STT3B: variants seen among roughly 807,000 people sequenced by gnomAD.
STT3B encodes dolichyl-diphosphooligosaccharide--protein glycosyltransferase subunit STT3B.
In STT3B, 29 loss-of-function variants were observed where a neutral mutation model predicts 96.8. The observed-to-expected ratio is 0.30, with a 90% CI of 0.22 to 0.41. The LOEUF (loss-of-function observed/expected upper bound fraction) is 0.41. Among genes scored for constraint, STT3B ranks in the 10% least tolerant of loss-of-function variants. STT3B has a pLI of 1.00. For synonymous variants in STT3B, 367 were observed against 360.0 expected (o/e 1.02, Z -0.22); for missense variants, 640 against 1,022.3 (o/e 0.63, Z 5.10).
intron 3 of STT3B, among the ~76,000 whole-genome samples, chr3:31,594,930 A>C (rs1342804961): frequency 6.6e-6 from 1 of 152,192 alleles, no homozygotes; most frequent in African/African-American, 2.4e-5. Flanking sequence ...TGGTACATGG[A>C]TGAGTTCTTG....
chr3:31,562,463 A>G (rs573589928), intron 1 of STT3B, among the ~76,000 whole-genome samples: 2 of 152,116 alleles, frequency 1.3e-5, no homozygotes, highest in African/African-American at 4.8e-5. Context: ...GTGTTTGGGT[A>G]CTTGCTTTGG....
Position 31,623,819 on chromosome 3 carries a change from A to G in STT3B, c.1685A>G (p.Tyr562Cys). Reference protein sequence around the residue: ...VHCTWVTSNAYSSPSVVLASY... With the variant: ...VHCTWVTSNACSSPSVVLASY... The stretch of plus-strand genomic sequence containing the variant: ...TGTACCTGGGTCACAAGCAATGCCT[A>G]CTCTAGTCCAAGTGTAGTCCTGGCC... The change falls in exon 11 of 16, where the codon TAC becomes TGC. Residue 562 changes from tyrosine (Y) to cysteine (C), a missense_variant. This residue lies in a region of STT3B where 149 missense variants were observed against 250.2 expected (regional missense o/e 0.60). Coordinates refer to ENST00000295770, the MANE Select transcript of STT3B (RefSeq NM_178862.3). 6.2e-7 allele frequency: 1 copy of G among 1,613,802 alleles called. No individual in the cohort carries two copies. The highest frequency in any genetic ancestry group is 1.3e-5 in the African/African-American group (1 of 75,028).
intron 5 of STT3B, among the ~76,000 whole-genome samples, chr3:31,603,170 G>A (rs1184623881): frequency 2.0e-5 from 3 of 152,088 alleles, no homozygotes. Flanking sequence ...TAGTTGTGTT[G>A]TTCTAAGTGT....
chr3:31,606,825 A>G (rs1337309363), intron 5 of STT3B, among the ~76,000 whole-genome samples: 1 of 152,190 alleles, frequency 6.6e-6, no homozygotes, highest in Admixed American at 6.5e-5. Context: ...AGCTTGCACC[A>G]TGCGCCTAGA....
At chr3:31,602,472 T>C (rs1470730187) in intron 5 of STT3B, among the ~76,000 whole-genome samples, 1 of 151,982 alleles carries the variant, frequency 6.6e-6, no homozygotes, top group Non-Finnish European at 1.5e-5. Context: ...TGAAATGCCA[T>C]GATTCAGGAA....
At chr3:31,620,534 C>T (rs1181850236) in intron 9 of STT3B, among the ~76,000 whole-genome samples, 1 of 152,098 alleles carries the variant, frequency 6.6e-6, no homozygotes, top group Admixed American at 6.6e-5. Context: ...TAAGGATCAC[C>T]TTTCACTAAA....
Position 31,633,140 on chromosome 3 carries a change from C to G in STT3B, c.2393C>G (p.Ser798Ter), listed in dbSNP as rs1294399605. The G allele has an allele frequency of 6.2e-7, 1 of 1,613,348 alleles. No individual in the cohort carries two copies. Among genetic ancestry groups the G allele is most frequent in the Non-Finnish European group, 8.5e-7 (1 of 1,179,786 alleles). Reference protein sequence around the residue: ...TNIFPKQKYLSKKTTKRKRGY... With the variant: ...TNIFPKQKYL ...ATTTTCCCAAAACAGAAGTATTTGT[C>G]AAAGAAGGTGGGTGCCAAGTGAAGG... Residue 798 changes from serine to a stop codon, truncating the protein, a stop_gained, in exon 15 of 16, where the codon TCA (serine) becomes TGA (stop). Transcript: ENST00000295770. LOFTEE classifies it high-confidence loss of function.
rs905900632 is a variant in STT3B at position 31,622,164 on chromosome 3, T to A, written c.1395T>A (p.Thr465=). ...TGGTGCGACTGATGTTGACTTTGAC[T>A]CCAGTCGTGTGTATGCTGTCTGCAA... The part of the protein sequence containing the change: ...GVMVRLMLTL[T]PVVCMLSAIA... The change falls in exon 10 of 16, where the codon ACT becomes ACA. Residue 465 remains threonine, a synonymous_variant. Transcript: ENST00000295770. 1 of 1,614,018 alleles carries A rather than the reference T, an allele frequency of 6.2e-7. No homozygotes were observed. Among genetic ancestry groups the A allele is most frequent in the Non-Finnish European group, 8.5e-7 (1 of 1,179,976 alleles).
At chr3:31,552,573 G>C (rs183351937) in intron 1 of STT3B, among the ~76,000 whole-genome samples, 1 of 151,602 alleles carries the variant, frequency 6.6e-6, no homozygotes, top group Non-Finnish European at 1.5e-5. Flanking sequence ...TTTATTTTCT[G>C]TTAGCATTAT....
chr3:31,601,588 G>T (rs1445464169), intron 5 of STT3B, among the ~76,000 whole-genome samples: 2 of 152,214 alleles, frequency 1.3e-5, no homozygotes, highest in East Asian at 3.9e-4. Flanking sequence ...GGTTGCCTGG[G>T]GATTTAGGAG....
intron 5 of STT3B, among the ~76,000 whole-genome samples, chr3:31,602,586 A>C (rs986095268): frequency 5.3e-5 from 8 of 151,760 alleles, no homozygotes; most frequent in African/African-American, 1.9e-4. Flanking sequence ...GCAGTGTCCA[A>C]CTCCCCTTTA....
intron 6 of STT3B, among the ~76,000 whole-genome samples, chr3:31,615,439 T>C (rs1321451730): frequency 1.3e-5 from 2 of 151,920 alleles, no homozygotes; most frequent in South Asian, 2.1e-4. Flanking sequence ...TGTACACTGA[T>C]ACTATATAGA....
Position 31,600,069 on chromosome 3 carries a change from T to C in STT3B, c.778-291T>C, listed in dbSNP as rs72856044. On this transcript the variant is annotated intron_variant, in intron 4 of 15. Transcript: ENST00000295770. ...CTTGTCTCTATGACAGTCTGTTTAC[T>C]GACAATTCACAAATTATAATACTCT... 2.7e-3 allele frequency among the ~76,000 whole-genome samples: 414 copies of C among 152,302 alleles called. 2 individuals carry two copies. The highest frequency in any genetic ancestry group is 9.7e-3 in the African/African-American group (405 of 41,592).
chr3:31,582,720 G>T (rs1167584316), intron 3 of STT3B, among the ~76,000 whole-genome samples: 1 of 151,964 alleles, frequency 6.6e-6, no homozygotes, highest in East Asian at 1.9e-4. Context: ...TACTTTGACG[G>T]TGTCTCATAA....
intron 1 of STT3B, among the ~76,000 whole-genome samples, chr3:31,546,611 G>C (rs1697419141): frequency 6.6e-6 from 1 of 152,196 alleles, no homozygotes; most frequent in South Asian, 2.1e-4. Flanking sequence ...ACAGGTAGGG[G>C]CAGAATTGTT....
At chr3:31,591,840 T>C (rs1302557621) in intron 3 of STT3B, among the ~76,000 whole-genome samples, 3 of 152,158 alleles carry the variant, frequency 2.0e-5, no homozygotes, top group Non-Finnish European at 4.4e-5. Context: ...GATCTGAGTT[T>C]CCATTTTTTA....
chr3:31,636,320 A>G lies in STT3B; in HGVS notation c.*256A>G, dbSNP rs768454481. The G allele has an allele frequency of 3.7e-5, 11 of 300,468 alleles. No individual in the cohort carries two copies. Among genetic ancestry groups the G allele is most frequent in the Non-Finnish European group, 5.5e-5 (9 of 162,268 alleles). The allele number at this position is 300,468 out of a possible 1,614,324, so 18.6% of individuals were successfully genotyped here. A position where few individuals can be genotyped will look rare whatever the true frequency, so the allele number is the denominator to read the frequency against. On this transcript the variant is annotated 3_prime_UTR_variant, in exon 16 of 16. Transcript: ENST00000295770. ...CAGCAGATTTTTTTTTTATTGGTAC[A>G]TATTATCCTTCAAATCTGAGAATTT... is the stretch of plus-strand genomic sequence containing the variant.
chr3:31,634,123 A>G (rs1397566665), intron 15 of STT3B, among the ~76,000 whole-genome samples: 1 of 152,190 alleles, frequency 6.6e-6, no homozygotes, highest in Non-Finnish European at 1.5e-5. Context: ...TGTCTAGACT[A>G]ATGTATTTAA....
intron 8 of STT3B, among the ~76,000 whole-genome samples, chr3:31,618,316 T>G (rs1699354309): frequency 6.6e-6 from 1 of 152,006 alleles, no homozygotes; most frequent in Admixed American, 6.6e-5. Flanking sequence ...AGTAATAATT[T>G]TTTATTCTTA....
Sources: allele counts gnomAD v4.1 joint callset (sites outside exome capture counted in the v4.1 genomes callset), GRCh38; gene constraint gnomAD v4.1.1; regional missense constraint gnomAD v4.1.1; transcripts MANE v1.5; gene names NCBI Gene and HGNC (gene_info 2026-07-23, HGNC 2026-07-21).